The following ZNF544 variants were observed in gnomAD, a reference collection of about 807,000 sequenced individuals.
ZNF544 encodes zinc finger protein AF020591.
In ZNF544, 10 loss-of-function variants were observed where a neutral mutation model predicts 13.5. The ratio of observed to expected loss-of-function variants is 0.74; its 90% CI spans 0.46 to 1.25. The LOEUF (loss-of-function observed/expected upper bound fraction) is 1.25, where lower values mean the gene tolerates loss of function less well. Among genes scored for constraint, ZNF544 ranks in the 50% most tolerant of loss-of-function variants. The pLI, the probability that ZNF544 is intolerant of heterozygous loss-of-function variation, is 0.00. For synonymous variants in ZNF544, 323 were observed against 300.5 expected (o/e 1.07, Z -0.77); for missense variants, 896 against 845.6 (o/e 1.06, Z -0.74).
chr19:58,273,943 A>C (rs971167833), intron 5 of ZNF544, among the ~76,000 whole-genome samples: 14 of 151,452 alleles, frequency 9.2e-5, no homozygotes, highest in East Asian at 2.0e-4. Context: ...TTACAGGCGC[A>C]TGCCACCACA....
rs1166080805 is a variant in ZNF544 at position 58,261,757 on chromosome 19, AGT to A, written c.1155_1156del (p.Cys385TrpfsTer5). The A allele has an allele frequency of 3.7e-6, 6 of 1,614,200 alleles. No individual in the cohort carries two copies. Among genetic ancestry groups the A allele is most frequent in the East Asian group, 2.2e-5 (1 of 44,892 alleles). On this transcript the variant is annotated frameshift_variant, in exon 7 of 7. Coordinates refer to ENST00000687789, the MANE Select transcript of ZNF544 (RefSeq NM_014480.4). LOFTEE classifies it low-confidence loss of function (END_TRUNC). The stretch of plus-strand genomic sequence containing the variant: ...GGAGAAAAGCCCTTCGAATGTACTC[AGT>A]GTGGGAAATCTTTTAGCCAGAGCTA...
intron 1 of ZNF544, chr19:58,229,220 G>C (rs1373684547): frequency 6.6e-6 from 1 of 151,772 alleles, no homozygotes; most frequent in Non-Finnish European, 1.5e-5. Flanking sequence ...AGGCTCTCCT[G>C]CTGCAGAGCT....
At chr19:58,242,791 C>T (rs60110462) in intron 3 of ZNF544, among the ~76,000 whole-genome samples, 1,832 of 152,236 alleles carry the variant, frequency 0.012, 31 homozygotes, top group African/African-American at 0.039. Flanking sequence ...TCCCGCCCCC[C>T]GGGTTCAAGG....
intron 6 of ZNF544, 134 bp downstream of exon 6, chr19:58,246,928 C>A (rs1278717521): frequency 2.8e-6 from 2 of 726,896 alleles, no homozygotes; most frequent in Non-Finnish European, 4.5e-6. Flanking sequence ...CAGCAGTTCA[C>A]CCATTCAAAG....
At chr19:58,243,880 CG>C in intron 3 of ZNF544, 84 bp from the exon 4 acceptor site, 4 of 1,136,818 alleles carry the variant, frequency 3.5e-6, no homozygotes, top group Non-Finnish European at 4.8e-6. Context: ...TGCTTGTGGC[CG>C]GCCCCGCGTT....
At chr19:58,248,273 C>CT (rs34774786) in intron 6 of ZNF544, among the ~76,000 whole-genome samples, 1,936 of 108,514 alleles carry the variant, frequency 0.018, 36 homozygotes, top group African/African-American at 0.048. Context: ...TTTTTTTTTT[C>CT]TTTTTTTTTT....
intron 3 of ZNF544, among the ~76,000 whole-genome samples, chr19:58,240,677 G>A (rs1322458575): frequency 1.3e-5 from 2 of 151,808 alleles, no homozygotes; most frequent in African/African-American, 4.8e-5. Context: ...CAGGAGAATC[G>A]CTTGAACCTG....
intron 5 of ZNF544, among the ~76,000 whole-genome samples, chr19:58,269,601 A>C (rs1479082610): frequency 8.2e-6 from 1 of 122,252 alleles, no homozygotes; most frequent in Non-Finnish European, 1.7e-5. Context: ...ACAAAGCGAG[A>C]CTCTGTCTCA....
In ZNF544 at chr19:58,261,449, CAG is replaced by C; in HGVS notation, c.844_845del (p.Ser282CysfsTer5). 3.7e-6 allele frequency: 6 copies of C among 1,614,158 alleles called. No homozygotes were observed. The highest frequency in any genetic ancestry group is 5.1e-6 in the Non-Finnish European group (6 of 1,180,040). On this transcript the variant is annotated frameshift_variant, in exon 7 of 7. Transcript: ENST00000687789. LOFTEE classifies it low-confidence loss of function (END_TRUNC). Reference protein sequence around the residue: ...CKDYGNLFSHSVSLNEQKPVH... With the variant: ...CKDYGNLFSHXVSLNEQKPVH... ...AGGATTATGGAAACCTCTTCAGTCA[CAG>C]TGTGTCTCTGAATGAACAGAAGCCA...
chr19:58,270,807 T>C (rs183142761), intron 5 of ZNF544, among the ~76,000 whole-genome samples: 2 of 152,276 alleles, frequency 1.3e-5, no homozygotes, highest in African/African-American at 4.8e-5. Flanking sequence ...TTAAACATGA[T>C]ATGTAAGTTT....
chr19:58,262,437 A>AAAGCC lies in ZNF544; in HGVS notation c.1832_1836dup (p.Phe613LysfsTer38). 6.2e-7 allele frequency: 1 copy of AAAGCC among 1,614,240 alleles called. No individual in the cohort carries two copies. Among genetic ancestry groups the AAAGCC allele is most frequent in the South Asian group, 1.1e-5 (1 of 91,086 alleles). On this transcript the variant is annotated frameshift_variant, in exon 7 of 7. Coordinates refer to ENST00000687789, the MANE Select transcript of ZNF544 (RefSeq NM_014480.4). LOFTEE classifies it low-confidence loss of function (END_TRUNC). ...GCCCTATGAATGTAACGAGTGTGGA[A>AAAGCC]AAGCCTTCAATCGAAGCACTCAGCT...
chr19:58,236,625 C>G (rs990042961), intron 3 of ZNF544, among the ~76,000 whole-genome samples: 1 of 151,924 alleles, frequency 6.6e-6, no homozygotes, highest in Non-Finnish European at 1.5e-5. Context: ...CCCAGCTTTT[C>G]CAGAGAGTGA....
In ZNF544 at chr19:58,261,541, G is replaced by A. The variant is rs745885266; in HGVS notation, c.935G>A (p.Cys312Tyr). The A allele has an allele frequency of 1.2e-6, 2 of 1,614,058 alleles. No homozygotes were observed. The highest frequency in any genetic ancestry group is 2.7e-5 in the African/African-American group (2 of 74,920). Residue 312 changes from cysteine (C) to tyrosine (Y), a missense_variant, in exon 7 of 7, where the codon TGC (cysteine) becomes TAC (tyrosine). Transcript: ENST00000687789. ...AGGGAAACCTGTTCTGAGAGTCTGT[G>A]CCTTGTACAAACAGAAAGAAGTGGC... is the stretch of plus-strand genomic sequence containing the variant. ...ECRETCSESL[C>Y]LVQTERSGPG...
chr19:58,255,395 T>C lies in ZNF544; in HGVS notation c.245-5456T>C, dbSNP rs191134124. On this transcript the variant is annotated intron_variant, in intron 6 of 6. Transcript: ENST00000687789. ...GGTTTCACCATGTTGGCCAGGCTGG[T>C]CTCAAACTCCTGACCTCAGGTGATC... 3.6e-3 allele frequency among the ~76,000 whole-genome samples: 544 copies of C among 152,128 alleles called. 3 individuals carry two copies. Among genetic ancestry groups the C allele is most frequent in the Non-Finnish European group, 5.6e-3 (384 of 68,004 alleles).
chr19:58,255,553 C>T (rs1239765634), intron 6 of ZNF544, among the ~76,000 whole-genome samples: 3 of 152,152 alleles, frequency 2.0e-5, no homozygotes, highest in African/African-American at 7.2e-5. Flanking sequence ...TATGGGATCC[C>T]CTCAGTGAAG....
rs563024698 is a variant in ZNF544 at position 58,242,616 on chromosome 19, C to T, written c.-59-1349C>T. On this transcript the variant is annotated intron_variant, in intron 3 of 6. Transcript: ENST00000687789. The stretch of plus-strand genomic sequence containing the variant: ...GCAACCTTGACCTCTAGGGCTCATG[C>T]GATCATCTCATCTCAGCCCCTACCC... Among the ~76,000 whole-genome samples, 13 of 151,644 alleles carry T rather than the reference C, an allele frequency of 8.6e-5. No homozygotes were observed. In the South Asian group the frequency reaches 2.5e-3, roughly 29 times the overall value.
Position 58,276,198 on chromosome 19 carries a change from A to T in ZNF544, c.245-125A>T, listed in dbSNP as rs73941803. Reference sequence around the variant, plus strand: ...TCTCAAAAAACAAATAAACAACAAAAAAAGAACACACAGGTTTCCCCTAAA... The same window carrying T: ...TCTCAAAAAACAAATAAACAACAAATAAAGAACACACAGGTTTCCCCTAAA... On this transcript the variant is annotated intron_variant, in intron 5 of 6. Transcript: ENST00000595981. 2,056 of 435,060 alleles carry T rather than the reference A, an allele frequency of 4.7e-3. 35 individuals are homozygous for T. Among genetic ancestry groups the T allele is most frequent in the African/African-American group, 0.032 (1,591 of 49,310 alleles). The allele number at this position is 435,060 out of a possible 1,614,324, so 26.9% of individuals were successfully genotyped here. A position where few individuals can be genotyped will look rare whatever the true frequency, so the allele number is the denominator to read the frequency against.
intron 6 of ZNF544, among the ~76,000 whole-genome samples, chr19:58,248,799 C>T (rs1168336020): frequency 6.6e-6 from 1 of 152,176 alleles, no homozygotes; most frequent in East Asian, 1.9e-4. Context: ...AATGAAAGTA[C>T]ACTCCACACA....
intron 6 of ZNF544, among the ~76,000 whole-genome samples, chr19:58,249,636 GT>G (rs1199040048): frequency 6.6e-6 from 1 of 152,144 alleles, no homozygotes; most frequent in African/African-American, 2.4e-5. Flanking sequence ...CAGTTGGGTA[GT>G]TTTTGGGTGG....
Sources: gnomAD v4.1 joint callset for allele counts (sites outside exome capture counted in the v4.1 genomes callset) on GRCh38, gnomAD v4.1.1 for gene constraint, MANE v1.5 for transcripts, NCBI Gene and HGNC (gene_info 2026-07-23, HGNC 2026-07-21) for gene names.